The following RHCE variants were observed in gnomAD, a reference collection of about 807,000 sequenced individuals.
The protein encoded by RHCE is blood group Rh(CE) polypeptide.
RHCE carries 22 observed loss-of-function variants against 43.8 expected under a neutral mutation model. The ratio of observed to expected loss-of-function variants is 0.50; its 90% CI spans 0.36 to 0.72. RHCE has a LOEUF of 0.72. Among genes scored for constraint, RHCE ranks in the 30% least tolerant of loss-of-function variants. The pLI, the probability that RHCE is intolerant of heterozygous loss-of-function variation, is 0.00. For missense variants in RHCE, 385 were observed against 525.4 expected, an observed-to-expected ratio of 0.73 and a Z score of 2.61; for synonymous variants, 156 against 210.7, an observed-to-expected ratio of 0.74 and a Z score of 2.25.
chr1:25,427,117 C>T (rs930671410), intron 2 of RHCE, among the ~76,000 whole-genome samples: 6 of 151,820 alleles, frequency 4.0e-5, no homozygotes, highest in East Asian at 1.9e-4. Flanking sequence ...AGGTGGCCAT[C>T]GAAATGTTTG....
intron 1 of RHCE, among the ~76,000 whole-genome samples, chr1:25,414,418 A>G (rs1647220935): frequency 6.6e-6 from 1 of 152,012 alleles, no homozygotes; most frequent in Non-Finnish European, 1.5e-5. Context: ...TGCTGCCTGG[A>G]AAGACCACTG....
intron 1 of RHCE, among the ~76,000 whole-genome samples, chr1:25,409,460 C>A (rs1230805613): frequency 8.0e-6 from 1 of 124,502 alleles, no homozygotes; most frequent in Admixed American, 8.5e-5. Flanking sequence ...TCAGGGCCAC[C>A]TGGGTAGCCC....
intron 9 of RHCE, among the ~76,000 whole-genome samples, chr1:25,367,878 G>C (rs534431895): frequency 1.5e-3 from 223 of 149,724 alleles, no homozygotes; most frequent in Non-Finnish European, 2.3e-3. Context: ...GGAGGCTGAG[G>C]GGGGAGGATC....
chr1:25,385,414 C>T, intron 7 of RHCE: 10 of 453,482 alleles, frequency 2.2e-5, no homozygotes, highest in South Asian at 1.9e-4. Flanking sequence ...ACCACAGTCT[C>T]AATTGGCTTG....
At chr1:25,411,387 A>G in intron 1 of RHCE, 1 of 1,550,486 alleles carries the variant, frequency 6.4e-7, no homozygotes, top group Non-Finnish European at 8.7e-7. Context: ...AGAAGCTCTC[A>G]TTACTGGAAC....
chr1:25,429,389 G>A (rs2042832158), intron 1 of RHCE, among the ~76,000 whole-genome samples: 1 of 152,012 alleles, frequency 6.6e-6, no homozygotes, highest in Non-Finnish European at 1.5e-5. Flanking sequence ...TCCTGACCTC[G>A]TGATCTACCC....
At chr1:25,399,760 C>T (rs185315358) in intron 3 of RHCE, among the ~76,000 whole-genome samples, 42 of 152,106 alleles carry the variant, frequency 2.8e-4, no homozygotes, top group Middle Eastern at 3.4e-3. Flanking sequence ...TAGGAAGAAA[C>T]GCTTGGAGTG....
chr1:25,382,939 G>T (rs1646045282), intron 7 of RHCE, among the ~76,000 whole-genome samples: 1 of 152,092 alleles, frequency 6.6e-6, no homozygotes, highest in Admixed American at 6.6e-5. Context: ...TGTGTTACTA[G>T]CTTGAAATAG....
At chr1:25,391,582 T>A (rs1211482751) in intron 4 of RHCE, among the ~76,000 whole-genome samples, 3 of 152,068 alleles carry the variant, frequency 2.0e-5, no homozygotes. Flanking sequence ...ACTGCCCGAT[T>A]TTCTATTAGC....
chr1:25,392,850 A>G (rs1646422090), intron 3 of RHCE, among the ~76,000 whole-genome samples: 1 of 152,214 alleles, frequency 6.6e-6, no homozygotes, highest in Middle Eastern at 3.4e-3. Context: ...GGCATGAGCC[A>G]CCACGCCCGG....
At chr1:25,421,425 G>A (rs1034659814), upstream of RHCE, among the ~76,000 whole-genome samples, 8 of 152,176 alleles carry the variant, frequency 5.3e-5, no homozygotes, top group African/African-American at 1.9e-4. Flanking sequence ...TTAAGGGGGG[G>A]TGGCAGAAGA....
chr1:25,403,119 G>A (rs1259211993), intron 2 of RHCE, among the ~76,000 whole-genome samples: 1 of 151,800 alleles, frequency 6.6e-6, no homozygotes, highest in Non-Finnish European at 1.5e-5. Flanking sequence ...CCATCATTCG[G>A]ATGCTCAACA....
rs1053350 is a variant in RHCE, at chr1:25,392,084, T to A, written c.544A>T (p.Thr182Ser). The A allele has an allele frequency of 1.8e-5, 29 of 1,613,994 alleles. No homozygotes were observed. In the East Asian group the frequency reaches 3.1e-4, roughly 17 times the overall value. Residue 182 changes from threonine (T) to serine (S), a missense_variant, in exon 4 of 10, where the codon ACT becomes TCT. This residue lies in a region of RHCE where 110 missense variants were observed against 103.4 expected (regional missense o/e 1.06). Coordinates refer to ENST00000294413, the MANE Select transcript of RHCE (RefSeq NM_020485.8). ...FYVFAAYFGL[T>S]VAWCLPKPLP... ...GGCTTTGGCAGGCACCAGGCCACAG[T>A]CAGCCCAAAATAGGCTGCGAACACG...
chr1:25,409,895 AT>A (rs879317136), intron 1 of RHCE, among the ~76,000 whole-genome samples: 2,457 of 144,954 alleles, frequency 0.017, 34 homozygotes, highest in Non-Finnish European at 0.022. Flanking sequence ...TAGAGCTAAG[AT>A]TTTTTTTTTT....
At chr1:25,402,531 A>G in intron 3 of RHCE, 65 bp downstream of exon 3, 2 of 1,613,436 alleles carry the variant, frequency 1.2e-6, no homozygotes, top group African/African-American at 2.7e-5. Context: ...AAACCCCGGA[A>G]GCCCCACCAA....
intron 1 of RHCE, chr1:25,411,241 G>A (rs1647066426): frequency 7.0e-7 from 1 of 1,437,100 alleles, no homozygotes; most frequent in Non-Finnish European, 9.3e-7. Flanking sequence ...ACATCCGAAG[G>A]AAATAATGTT....
rs1646385274 is a variant in RHCE at position 25,392,070 on chromosome 1, G to A, written c.558C>T (p.Cys186=). 1.2e-6 allele frequency: 2 copies of A among 1,614,034 alleles called. No homozygotes were observed. The highest frequency in any genetic ancestry group is 3.3e-5 in the Admixed American group (2 of 60,004). Residue 186 remains cysteine, a synonymous_variant, in exon 4 of 10, where the codon TGC becomes TGT. Coordinates refer to ENST00000294413, the MANE Select transcript of RHCE (RefSeq NM_020485.8). ...TTCCCTTGGGTAGAGGCTTTGGCAG[G>A]CACCAGGCCACAGTCAGCCCAAAAT... ...AAYFGLTVAW[C]LPKPLPKGTE... is the part of the protein sequence containing the mutation.
upstream of RHCE, among the ~76,000 whole-genome samples, chr1:25,423,451 T>C (rs1056376622): frequency 2.0e-5 from 3 of 152,144 alleles, no homozygotes; most frequent in African/African-American, 7.2e-5. Context: ...TGGGTGGTGG[T>C]TGGTTCCAAG....
intron 8 of RHCE, among the ~76,000 whole-genome samples, chr1:25,372,515 G>A (rs978382507): frequency 1.3e-5 from 2 of 149,438 alleles, no homozygotes; most frequent in African/African-American, 2.5e-5. Flanking sequence ...GCAAAACTCC[G>A]TCTAAAAAAA....
Sources: gnomAD v4.1 joint callset for allele counts (sites outside exome capture counted in the v4.1 genomes callset) on GRCh38, gnomAD v4.1.1 for gene constraint, gnomAD v4.1.1 regional missense constraint, MANE v1.5 for transcripts, NCBI Gene and HGNC (gene_info 2026-07-23, HGNC 2026-07-21) for gene names.